Variants in DDX10 observed in about 807,000 individuals in gnomAD.
The protein encoded by DDX10 is probable ATP-dependent RNA helicase DDX10.
Under a neutral mutation model 104.3 loss-of-function variants are expected in DDX10, and 74 were observed. That is an observed-to-expected ratio of 0.71 (90% CI 0.59 to 0.86). The LOEUF (loss-of-function observed/expected upper bound fraction) is 0.86, where lower values mean the gene tolerates loss of function less well. Among genes scored for constraint, DDX10 ranks in the 40% least tolerant of loss-of-function variants. The pLI, the probability that DDX10 is intolerant of heterozygous loss-of-function variation, is 0.00. For synonymous variants in DDX10, 351 were observed against 353.4 expected, an observed-to-expected ratio of 0.99 and a Z score of 0.08; for missense variants, 952 against 1,040.0, an observed-to-expected ratio of 0.92 and a Z score of 1.16.
chr11:108,763,184 C>T (rs964341462), intron 13 of DDX10, among the ~76,000 whole-genome samples: 6 of 152,130 alleles, frequency 3.9e-5, no homozygotes, highest in Non-Finnish European at 7.4e-5. Context: ...CATTTTCTTC[C>T]TCTGGTTGCA....
At chr11:108,893,333 T>C (rs149469957) in intron 16 of DDX10, among the ~76,000 whole-genome samples, 10 of 152,158 alleles carry the variant, frequency 6.6e-5, no homozygotes, top group African/African-American at 2.4e-4. Flanking sequence ...TTAAAAATAA[T>C]TTTATATTAA....
chr11:108,921,838 G>T (rs1035028758), intron 17 of DDX10: 2 of 152,632 alleles, frequency 1.3e-5, no homozygotes, highest in Non-Finnish European at 1.5e-5. Flanking sequence ...GGCGCCTGTA[G>T]TCCCAGCTGC....
At chr11:108,817,002 A>G (rs751395273) in intron 13 of DDX10, among the ~76,000 whole-genome samples, 35 of 152,358 alleles carry the variant, frequency 2.3e-4, no homozygotes, top group Non-Finnish European at 4.3e-4. Flanking sequence ...ACTTAACATC[A>G]TAAATGGATT....
intron 13 of DDX10, among the ~76,000 whole-genome samples, chr11:108,770,375 A>G (rs1202650094): frequency 6.6e-6 from 1 of 152,110 alleles, no homozygotes; most frequent in Non-Finnish European, 1.5e-5. Context: ...ATCAAATAGT[A>G]GGTCTTATTC....
rs117968173 is a variant in DDX10, at chr11:108,683,027, G to T, written c.848+3467G>T. 1.3e-3 allele frequency among the ~76,000 whole-genome samples: 191 copies of T among 152,184 alleles called. 2 individuals carry two copies. The East Asian group carries it at 0.033, about 26-fold the overall frequency. On this transcript the variant is annotated intron_variant, in intron 6 of 17. Coordinates refer to ENST00000322536, the MANE Select transcript of DDX10 (RefSeq NM_004398.4). ...CCTTAAGGTCAGGTTGTCTTGATCTGGTCTAGCCTGGCAATTAGACTCTGG... is the reference window on the plus strand; with the variant it reads ...CCTTAAGGTCAGGTTGTCTTGATCTTGTCTAGCCTGGCAATTAGACTCTGG...
At chr11:108,776,712 A>G (rs1328316278) in intron 13 of DDX10, among the ~76,000 whole-genome samples, 2 of 152,226 alleles carry the variant, frequency 1.3e-5, no homozygotes, top group East Asian at 3.8e-4. Context: ...TGGTGGCAGA[A>G]GAGGAGCTCA....
chr11:108,757,237 C>T (rs1565269206), intron 13 of DDX10, among the ~76,000 whole-genome samples: 3 of 152,062 alleles, frequency 2.0e-5, no homozygotes, highest in Admixed American at 2.0e-4. Context: ...TGTTTGTTCT[C>T]TTTTCCAAGA....
At chr11:108,704,812 C>G (rs561459845) in intron 9 of DDX10, among the ~76,000 whole-genome samples, 1 of 152,276 alleles carries the variant, frequency 6.6e-6, no homozygotes, top group Non-Finnish European at 1.5e-5. Context: ...CCCTCTGTCC[C>G]CTGTCTGTTG....
intron 13 of DDX10, among the ~76,000 whole-genome samples, chr11:108,744,060 A>G (rs150924149): frequency 1.6e-3 from 251 of 152,292 alleles, no homozygotes; most frequent in Middle Eastern, 0.014. Context: ...CCAACAGTGT[A>G]CTTAGTGGTA....
intron 13 of DDX10, among the ~76,000 whole-genome samples, chr11:108,772,033 A>C (rs1000152819): frequency 6.6e-6 from 1 of 152,236 alleles, no homozygotes; most frequent in African/African-American, 2.4e-5. Flanking sequence ...GCATGTAAAG[A>C]TGGTGCCCAT....
chr11:108,747,302 A>G (rs2094332993), intron 13 of DDX10, among the ~76,000 whole-genome samples: 1 of 152,172 alleles, frequency 6.6e-6, no homozygotes, highest in Admixed American at 6.5e-5. Context: ...GTGTCCTACA[A>G]CATGCTTAAC....
chr11:108,679,779 G>A (rs61913970), intron 6 of DDX10, among the ~76,000 whole-genome samples: 18,570 of 152,124 alleles, frequency 0.12, 1,536 homozygotes, highest in East Asian at 0.27. Context: ...GGTCTGGGAG[G>A]GGAACAAATG....
Position 108,692,000 on chromosome 11 carries a change from C to T in DDX10, c.1100C>T (p.Ala367Val), listed in dbSNP as rs762534054. ...VYNEFVRKRA[A>V]VLFATDIAAR... ...AATGAGTTTGTCCGTAAGAGAGCTG[C>T]AGTACTCTTTGCTACTGATATTGCA... The change falls in exon 8 of 18, where the codon GCA becomes GTA. Residue 367 changes from alanine to valine, a missense_variant. Physicochemically the swap from Ala to Val is moderately conservative, Grantham distance 64. This residue lies in a region of DDX10 where 412 missense variants were observed against 479.2 expected (regional missense o/e 0.86). Coordinates refer to ENST00000322536, the MANE Select transcript of DDX10 (RefSeq NM_004398.4). The T allele has an allele frequency of 2.3e-5, 37 of 1,613,504 alleles. No homozygotes were observed. In the South Asian group the frequency reaches 2.5e-4, roughly 11 times the overall value.
At chr11:108,796,324 T>G (rs189811854) in intron 13 of DDX10, among the ~76,000 whole-genome samples, 1 of 152,352 alleles carries the variant, frequency 6.6e-6, no homozygotes, top group East Asian at 1.9e-4. Flanking sequence ...AAAACTCTTG[T>G]GTTCTAGTTG....
chr11:108,910,031 G>T (rs958553856), intron 16 of DDX10, among the ~76,000 whole-genome samples: 67 of 147,356 alleles, frequency 4.5e-4, no homozygotes, highest in African/African-American at 1.6e-3. Context: ...ATTGGGGAAA[G>T]AATACTTGCA....
At chr11:108,821,153 A>T (rs1351430269) in intron 13 of DDX10, among the ~76,000 whole-genome samples, 2 of 152,236 alleles carry the variant, frequency 1.3e-5, no homozygotes, top group Admixed American at 1.3e-4. Flanking sequence ...AGTAGAGTGT[A>T]AGAAGTATCA....
At chr11:108,756,292 T>C (rs2094344373) in intron 13 of DDX10, among the ~76,000 whole-genome samples, 1 of 152,056 alleles carries the variant, frequency 6.6e-6, no homozygotes, top group Non-Finnish European at 1.5e-5. Flanking sequence ...GATTCTTATA[T>C]GGAAAAGAAT....
intron 13 of DDX10, among the ~76,000 whole-genome samples, chr11:108,733,091 T>G (rs1053715479): frequency 6.6e-6 from 1 of 152,050 alleles, no homozygotes; most frequent in African/African-American, 2.4e-5. Flanking sequence ...AGATCCTGTT[T>G]ACATTGATTT....
At chr11:108,714,493 C>T (rs1226179062) in intron 10 of DDX10, among the ~76,000 whole-genome samples, 1 of 149,878 alleles carries the variant, frequency 6.7e-6, no homozygotes, top group Non-Finnish European at 1.5e-5. Context: ...CTTACAAGCT[C>T]CATCCATAGG....
Sources: allele counts gnomAD v4.1 joint callset (sites outside exome capture counted in the v4.1 genomes callset), GRCh38; gene constraint gnomAD v4.1.1; regional missense constraint gnomAD v4.1.1; transcripts MANE v1.5; gene names NCBI Gene and HGNC (gene_info 2026-07-23, HGNC 2026-07-21).